Variants in TMEM132D observed in about 807,000 individuals in gnomAD.
TMEM132D encodes the protein mature OL transmembrane protein.
In TMEM132D, 21 loss-of-function variants were observed where a neutral mutation model predicts 62.3. The ratio of observed to expected loss-of-function variants is 0.34; its 90% CI spans 0.24 to 0.49. TMEM132D has a LOEUF of 0.49. TMEM132D is among the 20% of genes least tolerant of loss of function. The pLI is 0.99. For synonymous variants in TMEM132D, 621 were observed against 575.6 expected (o/e 1.08, Z -1.13); for missense variants, 1,346 against 1,402.8 (o/e 0.96, Z 0.65).
intron 2 of TMEM132D, among the ~76,000 whole-genome samples, chr12:129,608,944 C>CTTTT (rs111562077): frequency 8.5e-5 from 12 of 141,736 alleles, no homozygotes; most frequent in African/African-American, 3.2e-4. Flanking sequence ...TCAAATTGTT[C>CTTTT]TTTTTTTTTT....
intron 2 of TMEM132D, among the ~76,000 whole-genome samples, chr12:129,578,433 T>C (rs12304808): frequency 0.29 from 44,086 of 150,666 alleles, 7,679 homozygotes; most frequent in Non-Finnish European, 0.4. Context: ...TGTATATATA[T>C]ATATGTATGT....
chr12:129,084,913 G>A, intron 5 of TMEM132D: 1 of 566,662 alleles, frequency 1.8e-6, no homozygotes, highest in Non-Finnish European at 3.1e-6. Flanking sequence ...TGCTCTCTGA[G>A]TACCCAGGCT....
intron 1 of TMEM132D, among the ~76,000 whole-genome samples, chr12:129,709,429 G>A (rs1881586682): frequency 6.6e-6 from 1 of 152,170 alleles, no homozygotes; most frequent in Non-Finnish European, 1.5e-5. Flanking sequence ...TTTCTTGGTA[G>A]AAAATAAACT....
At chr12:129,705,422 T>A (rs942628346) in intron 1 of TMEM132D, among the ~76,000 whole-genome samples, 47 of 151,928 alleles carry the variant, frequency 3.1e-4, no homozygotes, top group Admixed American at 7.9e-4. Flanking sequence ...AACTAAAAAC[T>A]AAGAAAAAAA....
intron 1 of TMEM132D, among the ~76,000 whole-genome samples, chr12:129,710,134 G>A (rs1422694410): frequency 6.6e-6 from 1 of 152,144 alleles, no homozygotes; most frequent in Non-Finnish European, 1.5e-5. Flanking sequence ...AATGTATACA[G>A]TATACCCACA....
intron 4 of TMEM132D, among the ~76,000 whole-genome samples, chr12:129,225,909 A>T (rs1879469093): frequency 6.6e-6 from 1 of 152,198 alleles, no homozygotes. Context: ...CACTGCAGTC[A>T]GTAGCTTTAG....
chr12:129,168,867 C>T (rs1414179407), intron 5 of TMEM132D, among the ~76,000 whole-genome samples: 3 of 152,166 alleles, frequency 2.0e-5, no homozygotes, highest in Non-Finnish European at 4.4e-5. Context: ...TCTTCTCAAA[C>T]TCTACCCAAC....
chr12:129,781,194 C>T (rs1457170375), intron 1 of TMEM132D, among the ~76,000 whole-genome samples: 1 of 152,152 alleles, frequency 6.6e-6, no homozygotes, highest in Non-Finnish European at 1.5e-5. Context: ...GAAACCGCCA[C>T]ATGTCTTCTT....
intron 1 of TMEM132D, among the ~76,000 whole-genome samples, chr12:129,777,380 C>G (rs2137287813): frequency 6.6e-6 from 1 of 152,288 alleles, no homozygotes; most frequent in East Asian, 1.9e-4. Context: ...TTAAAACAGA[C>G]TCTGCGTGGG....
intron 4 of TMEM132D, among the ~76,000 whole-genome samples, chr12:129,305,591 C>T (rs1018973522): frequency 3.1e-4 from 47 of 152,226 alleles, no homozygotes; most frequent in African/African-American, 1.1e-3. Flanking sequence ...AATATATGCC[C>T]AGCAACAAAT....
rs375146546 is a variant in TMEM132D, at chr12:129,305,902, A to G, written c.1299+31732T>C. ...GGATCAAATTGTAGATACAAAGCAG[A>G]GAGAGAAAAAAATCATAATTAGAAC... On this transcript the variant is annotated intron_variant, in intron 4 of 8. Transcript: ENST00000422113. Among the ~76,000 whole-genome samples, 4 of 152,326 alleles carry G rather than the reference A, an allele frequency of 2.6e-5. No homozygotes were observed. In the East Asian group the frequency reaches 7.7e-4, roughly 29 times the overall value.
chr12:129,899,280 C>CATGGATGG (rs1335410024), intron 1 of TMEM132D, among the ~76,000 whole-genome samples: 2 of 121,854 alleles, frequency 1.6e-5, no homozygotes, highest in South Asian at 2.7e-4. Flanking sequence ...TGGATGGATG[C>CATGGATGG]ATGGATGGAT....
intron 5 of TMEM132D, among the ~76,000 whole-genome samples, chr12:129,104,028 T>C (rs1454198884): frequency 6.6e-6 from 1 of 151,792 alleles, no homozygotes; most frequent in Non-Finnish European, 1.5e-5. Context: ...CTTCACAGAA[T>C]TGGAAAAAAC....
intron 2 of TMEM132D, among the ~76,000 whole-genome samples, chr12:129,608,529 C>A (rs868372438): frequency 6.6e-6 from 1 of 152,162 alleles, no homozygotes; most frequent in African/African-American, 2.4e-5. Flanking sequence ...CTGGCTTGCT[C>A]GCTGGATGGA....
At chr12:129,484,484 A>G (rs543258404) in intron 3 of TMEM132D, among the ~76,000 whole-genome samples, 1 of 152,344 alleles carries the variant, frequency 6.6e-6, no homozygotes, top group African/African-American at 2.4e-5. Flanking sequence ...TGCTCTAGAA[A>G]GGTCGCAAAG....
At chr12:129,624,992 C>T (rs555669054) in intron 2 of TMEM132D, among the ~76,000 whole-genome samples, 1 of 152,356 alleles carries the variant, frequency 6.6e-6, no homozygotes, top group Admixed American at 6.5e-5. Context: ...TTGCTCCACA[C>T]CTCACAACAC....
At chr12:129,270,965 G>C (rs1880836194) in intron 4 of TMEM132D, among the ~76,000 whole-genome samples, 1 of 152,232 alleles carries the variant, frequency 6.6e-6, no homozygotes, top group Non-Finnish European at 1.5e-5. Flanking sequence ...GGGCAGGAAT[G>C]TTCCTGCCAC....
chr12:129,810,551 TACAC>T (rs200702675), intron 1 of TMEM132D, among the ~76,000 whole-genome samples: 49 of 34,208 alleles, frequency 1.4e-3, no homozygotes, highest in African/African-American at 4.7e-3. Context: ...AATATATACA[TACAC>T]ACACACACAC....
intron 4 of TMEM132D, among the ~76,000 whole-genome samples, chr12:129,272,565 T>A (rs1019863310): frequency 2.0e-5 from 3 of 151,874 alleles, no homozygotes; most frequent in Non-Finnish European, 4.4e-5. Flanking sequence ...TTGCATTTTT[T>A]ATATGTGTTG....
Sources: gnomAD v4.1 joint callset for allele counts (sites outside exome capture counted in the v4.1 genomes callset) on GRCh38, gnomAD v4.1.1 for gene constraint, MANE v1.5 for transcripts, NCBI Gene and HGNC (gene_info 2026-07-23, HGNC 2026-07-21) for gene names.